The following PPP1R13B variants were observed in gnomAD, a reference collection of about 807,000 sequenced individuals.
PPP1R13B encodes apoptosis-stimulating of p53 protein 1.
A neutral mutation model predicts 119.8 loss-of-function variants in PPP1R13B; 44 were observed. The ratio of observed to expected loss-of-function variants is 0.37; its 90% CI spans 0.29 to 0.47. The LOEUF is 0.47. Ranked by LOEUF, PPP1R13B falls within the 20% of genes least tolerant of loss-of-function variation. The probability of loss-of-function intolerance (pLI) is 0.99; values close to 1 mark genes in which losing one functional copy is unlikely to be tolerated. For missense variants in PPP1R13B, 1,227 were observed against 1,413.5 expected, an observed-to-expected ratio of 0.87 and a Z score of 2.12; for synonymous variants, 542 against 561.5, an observed-to-expected ratio of 0.97 and a Z score of 0.49.
chr14:103,751,964 T>C (rs1229733498), intron 7 of PPP1R13B, among the ~76,000 whole-genome samples: 2 of 152,232 alleles, frequency 1.3e-5, no homozygotes, highest in African/African-American at 4.8e-5. Context: ...GATTATTATC[T>C]GCTAATTGAA....
chr14:103,795,948 T>C (rs2085747606), intron 2 of PPP1R13B, among the ~76,000 whole-genome samples: 1 of 152,170 alleles, frequency 6.6e-6, no homozygotes, highest in African/African-American at 2.4e-5. Flanking sequence ...CTAGAATACA[T>C]AAAGAACTTT....
chr14:103,778,355 G>A (rs545273041), intron 4 of PPP1R13B, among the ~76,000 whole-genome samples: 20 of 143,496 alleles, frequency 1.4e-4, no homozygotes, highest in African/African-American at 4.5e-4. Flanking sequence ...TCTGCCTCCC[G>A]GGTTCCAGCA....
rs1212109793 is a variant in PPP1R13B, at chr14:103,740,057, G to A, written c.2359C>T (p.Pro787Ser). 1 of 1,613,950 alleles carries A rather than the reference G, an allele frequency of 6.2e-7. No individual in the cohort carries two copies. The highest frequency in any genetic ancestry group is 8.5e-7 in the Non-Finnish European group (1 of 1,180,020). Residue 787 changes from proline (P) to serine (S), a missense_variant, in exon 12 of 17, where the codon CCG becomes TCG. By Grantham distance (74) the Pro-to-Ser change is moderately conservative. Transcript: ENST00000202556. This position sits in a 1 kb window ranked among gnomAD's most constrained non-coding sequence, Gnocchi z 4.6. ...PTAPLPAEPA[P>S]SSDANDNELP... Reference sequence around the variant, plus strand: ...TCATTATCATTGGCATCTGATGACGGGGCAGGCTCAGCGGGGAGTGGGGCT... The same window carrying A: ...TCATTATCATTGGCATCTGATGACGAGGCAGGCTCAGCGGGGAGTGGGGCT...
Position 103,742,846 on chromosome 14 carries a change from C to A in PPP1R13B, c.1151-23G>T. On this transcript the variant is annotated intron_variant, in intron 9 of 16. Coordinates refer to ENST00000202556, the MANE Select transcript of PPP1R13B (RefSeq NM_015316.3). The surrounding 1 kb of genome is among the most constrained non-coding windows in gnomAD (Gnocchi z 4.9). ...TAGCTTGAAAAGAACACAGAACTTA[C>A]GTAAAACTTTTCTCAATGTAGTTGA... 1 of 1,612,480 alleles carries A rather than the reference C, an allele frequency of 6.2e-7. No homozygotes were observed. The highest frequency in any genetic ancestry group is 8.5e-7 in the Non-Finnish European group (1 of 1,179,100).
intron 1 of PPP1R13B, among the ~76,000 whole-genome samples, chr14:103,825,609 C>T (rs2086519910): frequency 6.6e-6 from 1 of 152,146 alleles, no homozygotes; most frequent in African/African-American, 2.4e-5. Context: ...GAGCAAGGGC[C>T]TCTCTTCAAT....
chr14:103,763,478 TTTC>T (rs1323498940), intron 4 of PPP1R13B, among the ~76,000 whole-genome samples: 2 of 152,106 alleles, frequency 1.3e-5, no homozygotes, highest in Admixed American at 1.3e-4. Context: ...ATTTTAACCT[TTTC>T]TTCATTTATT....
intron 1 of PPP1R13B, among the ~76,000 whole-genome samples, chr14:103,799,177 TTTTA>T (rs2085833829): frequency 1.3e-5 from 2 of 151,762 alleles, no homozygotes; most frequent in Admixed American, 6.6e-5. Context: ...TTTTATTTTA[TTTTA>T]TTTATTTATT....
At chr14:103,794,937 C>T (rs920198153) in intron 2 of PPP1R13B, among the ~76,000 whole-genome samples, 1 of 152,056 alleles carries the variant, frequency 6.6e-6, no homozygotes, top group African/African-American at 2.4e-5. Context: ...AAAACTACTA[C>T]TACATTATGT....
intron 3 of PPP1R13B, among the ~76,000 whole-genome samples, chr14:103,782,631 G>A (rs2085363030): frequency 6.6e-6 from 1 of 152,160 alleles, no homozygotes; most frequent in Non-Finnish European, 1.5e-5. Flanking sequence ...TGTCAACACT[G>A]TGCTATTAAC....
intron 1 of PPP1R13B, among the ~76,000 whole-genome samples, chr14:103,826,710 C>CGA (rs1555447217): frequency 7.9e-5 from 7 of 88,314 alleles, no homozygotes; most frequent in Non-Finnish European, 1.2e-4. Context: ...CTGTCTCTAC[C>CGA]AAAAAAAAAA....
rs1423895729 is a variant in PPP1R13B, at chr14:103,749,822, C to T, written c.941G>A (p.Arg314His). The change falls in exon 8 of 17, where the codon CGT (arginine) becomes CAT (histidine). Residue 314 changes from arginine (R) to histidine (H), a missense_variant. Transcript: ENST00000202556. ...AATTTTTTTCCCATAGAGACGTTCA[C>T]GCAGTTCACTGATTCGCTTGTCCAT... ...AMMDKRISELRERLYGKKIQL... is the reference protein window; with the variant it reads ...AMMDKRISELHERLYGKKIQL... 5.0e-6 allele frequency: 8 copies of T among 1,613,936 alleles called. No homozygotes were observed. In the Admixed American group the frequency reaches 6.7e-5, roughly 13 times the overall value.
intron 1 of PPP1R13B, among the ~76,000 whole-genome samples, chr14:103,798,992 T>TG (rs1275423951): frequency 1.6e-5 from 2 of 124,316 alleles, no homozygotes; most frequent in African/African-American, 3.3e-5. Context: ...ACCTGGTGTT[T>TG]TTTTGTTTGT....
chr14:103,742,737 G>A lies in PPP1R13B; in HGVS notation c.1237C>T (p.Pro413Ser). ...VQVAGADWKD[P>S]SVEGSVKQGT... ...TGCTTGACAGACCCCTCCACGCTCG[G>A]ATCCTTCCAGTCTGCACCGGCCACC... Residue 413 changes from proline to serine, a missense_variant, in exon 10 of 17, where the codon CCG becomes TCG. By Grantham distance (74) the Pro-to-Ser change is moderately conservative (BLOSUM62 -1). Transcript: ENST00000202556. This position sits in a 1 kb window ranked among gnomAD's most constrained non-coding sequence, Gnocchi z 4.9. 4.3e-6 allele frequency: 7 copies of A among 1,614,156 alleles called. No homozygotes were observed. Among genetic ancestry groups the A allele is most frequent in the Non-Finnish European group, 5.9e-6 (7 of 1,180,034 alleles).
At chr14:103,776,517 C>T (rs1214471646) in intron 4 of PPP1R13B, among the ~76,000 whole-genome samples, 3 of 152,126 alleles carry the variant, frequency 2.0e-5, no homozygotes, top group Non-Finnish European at 2.9e-5. Flanking sequence ...CCATGCCCAG[C>T]CCTGTGTGAG....
At chr14:103,822,284 A>G (rs549802867) in intron 1 of PPP1R13B, among the ~76,000 whole-genome samples, 1 of 151,902 alleles carries the variant, frequency 6.6e-6, no homozygotes. Flanking sequence ...ACAGGCACCC[A>G]CCACCACGCT....
intron 1 of PPP1R13B, among the ~76,000 whole-genome samples, chr14:103,828,044 T>A (rs2086590673): frequency 6.6e-6 from 1 of 152,094 alleles, no homozygotes; most frequent in African/African-American, 2.4e-5. Context: ...TGGGCTCTAA[T>A]GTTTTTGTTT....
chr14:103,846,187 G>A (rs1370749397), intron 1 of PPP1R13B, among the ~76,000 whole-genome samples: 1 of 152,100 alleles, frequency 6.6e-6, no homozygotes, highest in Non-Finnish European at 1.5e-5. Flanking sequence ...AAAGACCTAA[G>A]GATCAAGTAG....
At position 103,751,331 on chromosome 14, in the gene PPP1R13B, A is replaced by C. The variant is rs183763487; in HGVS notation, c.829-1397T>G. On this transcript the variant is annotated intron_variant, in intron 7 of 16. Coordinates refer to ENST00000202556, the MANE Select transcript of PPP1R13B (RefSeq NM_015316.3). The stretch of plus-strand genomic sequence containing the variant: ...TCATGAAACCTTATAATACTGTAGT[A>C]CTTCTATGCATTTACGTTAAAGAAC... Among the ~76,000 whole-genome samples the C allele has an allele frequency of 1.3e-3, 200 of 152,350 alleles. 1 individual carries two copies. The highest frequency in any genetic ancestry group is 4.7e-3 in the African/African-American group (194 of 41,584).
intron 1 of PPP1R13B, among the ~76,000 whole-genome samples, chr14:103,802,273 C>T (rs1595794226): frequency 6.6e-6 from 1 of 152,120 alleles, no homozygotes. Context: ...AGCACCACTG[C>T]AGTCAGGCCT....
Sources: gnomAD v4.1 joint callset for allele counts (sites outside exome capture counted in the v4.1 genomes callset) on GRCh38, gnomAD v4.1.1 for gene constraint, Gnocchi (gnomAD v3.1) non-coding constraint, MANE v1.5 for transcripts, NCBI Gene and HGNC (gene_info 2026-07-23, HGNC 2026-07-21) for gene names.